CFAP20DC: variants seen among roughly 807,000 people sequenced by gnomAD.
The protein encoded by CFAP20DC is protein CFAP20DC.
CFAP20DC carries 84 observed loss-of-function variants against 101.7 expected under a neutral mutation model. The observed-to-expected ratio is 0.83, with a 90% CI of 0.69 to 0.99. CFAP20DC has a LOEUF of 0.99. Ranked by LOEUF, CFAP20DC falls within the 50% of genes least tolerant of loss-of-function variation. The probability of loss-of-function intolerance (pLI) is 0.00; values close to 1 mark genes in which losing one functional copy is unlikely to be tolerated. For synonymous variants in CFAP20DC, 359 were observed against 351.2 expected (o/e 1.02, Z -0.25); for missense variants, 1,007 against 970.3 (o/e 1.04, Z -0.50).
chr3:58,959,436 T>C (rs2090942033), intron 4 of CFAP20DC, among the ~76,000 whole-genome samples: 1 of 152,256 alleles, frequency 6.6e-6, no homozygotes, highest in African/African-American at 2.4e-5. Context: ...AGTTTATTTT[T>C]GTTTACAGTG....
At chr3:58,873,896 G>A (rs1351304163) in intron 7 of CFAP20DC, among the ~76,000 whole-genome samples, 1 of 151,936 alleles carries the variant, frequency 6.6e-6, no homozygotes, top group Non-Finnish European at 1.5e-5. Flanking sequence ...TGAAGCAGAA[G>A]TCTGGATAGC....
At chr3:58,749,078 C>T (rs1011280644) in intron 16 of CFAP20DC, among the ~76,000 whole-genome samples, 3 of 152,162 alleles carry the variant, frequency 2.0e-5, no homozygotes, top group Admixed American at 2.0e-4. Context: ...GAAAAGTCTC[C>T]TTTGCATCTG....
At chr3:58,851,396 A>G (rs1440259793) in intron 12 of CFAP20DC, among the ~76,000 whole-genome samples, 1 of 152,152 alleles carries the variant, frequency 6.6e-6, no homozygotes. Context: ...TGAGAGTTCA[A>G]GTCAGTATGT....
At chr3:58,809,377 T>A (rs532544767) in intron 14 of CFAP20DC, among the ~76,000 whole-genome samples, 1 of 152,074 alleles carries the variant, frequency 6.6e-6, no homozygotes, top group African/African-American at 2.4e-5. Flanking sequence ...GCAATCAAAC[T>A]AGAACTCAGG....
At chr3:58,983,756 T>C (rs1202001483) in intron 4 of CFAP20DC, among the ~76,000 whole-genome samples, 1 of 152,184 alleles carries the variant, frequency 6.6e-6, no homozygotes, top group Admixed American at 6.5e-5. Context: ...TTTATGGATG[T>C]TGTTTAATCT....
At chr3:58,745,767 T>C (rs946903273) in intron 16 of CFAP20DC, among the ~76,000 whole-genome samples, 4 of 152,170 alleles carry the variant, frequency 2.6e-5, no homozygotes, top group East Asian at 1.9e-4. Context: ...AAAGGCTTCA[T>C]AGAGGCAGGA....
intron 15 of CFAP20DC, among the ~76,000 whole-genome samples, chr3:58,776,179 G>C (rs906875082): frequency 2.0e-4 from 31 of 152,150 alleles, no homozygotes; most frequent in African/African-American, 6.8e-4. Flanking sequence ...TCCACTCTTG[G>C]AATTTTGCTG....
chr3:58,870,034 C>A, intron 8 of CFAP20DC, 139 bp downstream of exon 8: 1 of 741,550 alleles, frequency 1.3e-6, no homozygotes, highest in African/African-American at 1.8e-5. Flanking sequence ...TTATTCAAGC[C>A]TTCTGCTTTT....
chr3:58,757,629 C>T (rs2069089140), intron 15 of CFAP20DC, among the ~76,000 whole-genome samples: 1 of 151,962 alleles, frequency 6.6e-6, no homozygotes, highest in Admixed American at 6.6e-5. Context: ...GGAAATGCAC[C>T]CATGTTTTCT....
intron 3 of CFAP20DC, among the ~76,000 whole-genome samples, chr3:58,725,293 C>A (rs1220840371): frequency 6.6e-6 from 1 of 152,178 alleles, no homozygotes; most frequent in Non-Finnish European, 1.5e-5. Flanking sequence ...CCCATACTAT[C>A]CTGGTGTCCT....
chr3:58,921,972 T>A (rs2085429206), intron 5 of CFAP20DC, among the ~76,000 whole-genome samples: 1 of 152,226 alleles, frequency 6.6e-6, no homozygotes, highest in Non-Finnish European at 1.5e-5. Context: ...TAATATTCCT[T>A]GTCCTGAAGT....
intron 4 of CFAP20DC, among the ~76,000 whole-genome samples, chr3:58,968,256 T>C (rs1349567117): frequency 6.6e-6 from 1 of 152,226 alleles, no homozygotes; most frequent in Non-Finnish European, 1.5e-5. Context: ...CAAATGGTAG[T>C]TCTGCTTTTA....
At position 58,717,418 on chromosome 3, in the gene CFAP20DC, A is replaced by G. The variant is rs1250874925; in HGVS notation, c.*170T>C. 8.4e-6 allele frequency: 2 copies of G among 239,334 alleles called. No individual in the cohort carries two copies. The highest frequency in any genetic ancestry group is 2.3e-5 in the African/African-American group (1 of 43,218). 14.8% of individuals were successfully genotyped at this position (239,334 alleles called of 1,614,324 possible). A position where few individuals can be genotyped will look rare whatever the true frequency, so the allele number is the denominator to read the frequency against. ...TTCCGCTCAAGTTCATGAAACTCTG[A>G]ATTGTGTCCAAGGATGCTTTGGGAT... On this transcript the variant is annotated 3_prime_UTR_variant, in exon 4 of 4. Coordinates refer to the CFAP20DC transcript ENST00000486145. The surrounding 1 kb of genome is among the most constrained non-coding windows in gnomAD (Gnocchi z 4.1).
intron 4 of CFAP20DC, among the ~76,000 whole-genome samples, chr3:58,995,255 C>G (rs532360684): frequency 6.6e-6 from 1 of 152,010 alleles, no homozygotes; most frequent in African/African-American, 2.4e-5. Context: ...TTTATCAAAT[C>G]TATTTTTTAG....
intron 14 of CFAP20DC, among the ~76,000 whole-genome samples, chr3:58,808,072 C>A (rs2074261393): frequency 2.0e-5 from 3 of 152,100 alleles, no homozygotes; most frequent in Non-Finnish European, 4.4e-5. Context: ...CGTGAAAAGA[C>A]CAAATCTATG....
At chr3:58,757,595 C>A (rs1025410705) in intron 15 of CFAP20DC, among the ~76,000 whole-genome samples, 1 of 151,506 alleles carries the variant, frequency 6.6e-6, no homozygotes, top group Admixed American at 6.6e-5. Flanking sequence ...TTTTATAAAG[C>A]CTTTCCCTAC....
At chr3:58,866,975 A>T (rs1183739681) in intron 10 of CFAP20DC, among the ~76,000 whole-genome samples, 1 of 152,156 alleles carries the variant, frequency 6.6e-6, no homozygotes, top group East Asian at 1.9e-4. Context: ...TTTTTAAAGG[A>T]TCTTATATTT....
chr3:59,046,074 A>C (rs1699834295), intron 3 of CFAP20DC, among the ~76,000 whole-genome samples, 155 bp downstream of exon 3: 1 of 152,150 alleles, frequency 6.6e-6, no homozygotes, highest in South Asian at 2.1e-4. Context: ...CATAGTGCCT[A>C]GCATAGTTAG....
chr3:58,831,609 G>A (rs2076394465), intron 14 of CFAP20DC, 77 bp downstream of exon 14: 6 of 1,304,002 alleles, frequency 4.6e-6, no homozygotes, highest in Non-Finnish European at 6.5e-6. Flanking sequence ...GGCTTTTCCA[G>A]GCAAAGCTGG....
Sources: gnomAD v4.1 joint callset for allele counts (sites outside exome capture counted in the v4.1 genomes callset) on GRCh38, gnomAD v4.1.1 for gene constraint, Gnocchi (gnomAD v3.1) non-coding constraint, MANE v1.5 for transcripts, NCBI Gene and HGNC (gene_info 2026-07-23, HGNC 2026-07-21) for gene names.